Variants in GYPE observed in about 807,000 individuals in gnomAD.
GYPE encodes the protein glycophorin-E.
GYPE carries 8 observed loss-of-function variants against 11.6 expected under a neutral mutation model. The observed-to-expected ratio is 0.69, with a 90% CI of 0.41 to 1.25. The LOEUF (loss-of-function observed/expected upper bound fraction) is 1.25. GYPE is among the 50% of genes most tolerant of loss of function. The pLI, the probability that GYPE is intolerant of heterozygous loss-of-function variation, is 0.01. For synonymous variants in GYPE, 28 were observed against 29.6 expected, an observed-to-expected ratio of 0.94 and a Z score of 0.18; for missense variants, 90 against 92.8, an observed-to-expected ratio of 0.97 and a Z score of 0.12.
At chr4:143,872,920 G>A (rs62337346) in intron 3 of GYPE, among the ~76,000 whole-genome samples, 24 of 152,216 alleles carry the variant, frequency 1.6e-4, no homozygotes, top group South Asian at 6.2e-4. Context: ...CATGTGGACA[G>A]GTCAGAACTT....
chr4:143,878,693 T>G (rs1743904410), intron 2 of GYPE: 1 of 491,972 alleles, frequency 2.0e-6, no homozygotes, highest in Non-Finnish European at 4.2e-6. Context: ...AAGCGAAATT[T>G]CAATGTAAGT....
At chr4:143,903,709 C>T (rs972353713) in intron 1 of GYPE, among the ~76,000 whole-genome samples, 1 of 151,894 alleles carries the variant, frequency 6.6e-6, no homozygotes, top group African/African-American at 2.4e-5. Context: ...GTACTGGAGA[C>T]CATTGTAGCT....
intron 1 of GYPE, among the ~76,000 whole-genome samples, chr4:143,898,434 G>A (rs986897405): frequency 4.6e-5 from 7 of 152,070 alleles, no homozygotes; most frequent in African/African-American, 1.7e-4. Flanking sequence ...TTAATCTTAG[G>A]CAAAGTAGAA....
At chr4:143,896,033 A>C (rs868385774) in intron 1 of GYPE, among the ~76,000 whole-genome samples, 110 of 152,334 alleles carry the variant, frequency 7.2e-4, no homozygotes, top group Middle Eastern at 6.8e-3. Context: ...CTTAAACGTT[A>C]GACCTAAAAC....
intron 1 of GYPE, among the ~76,000 whole-genome samples, chr4:143,900,803 C>A (rs1406526083): frequency 6.6e-6 from 1 of 151,984 alleles, no homozygotes; most frequent in Non-Finnish European, 1.5e-5. Flanking sequence ...AGGTAGAAAA[C>A]AAATTAGTGG....
At chr4:143,876,091 A>C (rs970502192) in intron 3 of GYPE, among the ~76,000 whole-genome samples, 1 of 152,024 alleles carries the variant, frequency 6.6e-6, no homozygotes, top group South Asian at 2.1e-4. Context: ...AGAAAGGCAA[A>C]AGGTTTATTT....
At chr4:143,901,590 T>G (rs1744869716) in intron 1 of GYPE, among the ~76,000 whole-genome samples, 1 of 151,404 alleles carries the variant, frequency 6.6e-6, no homozygotes, top group African/African-American at 2.4e-5. Context: ...ATCTATGATG[T>G]AAAAATGTAG....
intron 1 of GYPE, among the ~76,000 whole-genome samples, chr4:143,891,659 A>G (rs1744412072): frequency 6.6e-6 from 1 of 152,138 alleles, no homozygotes; most frequent in South Asian, 2.1e-4. Context: ...TTAAAAAAGT[A>G]AAAATCATTT....
intron 2 of GYPE, among the ~76,000 whole-genome samples, chr4:143,878,901 G>T (rs1259125356): frequency 6.6e-6 from 1 of 152,128 alleles, no homozygotes; most frequent in African/African-American, 2.4e-5. Context: ...ATTCATGGAT[G>T]ACAAATAAGC....
chr4:143,891,802 A>G (rs1381968271), intron 1 of GYPE, among the ~76,000 whole-genome samples: 1 of 152,094 alleles, frequency 6.6e-6, no homozygotes, highest in Non-Finnish European at 1.5e-5. Flanking sequence ...TCTCTGAGAA[A>G]ATTCAAACCT....
At chr4:143,893,996 G>C (rs1396975906) in intron 1 of GYPE, among the ~76,000 whole-genome samples, 1 of 152,112 alleles carries the variant, frequency 6.6e-6, no homozygotes, top group Non-Finnish European at 1.5e-5. Flanking sequence ...TTTCTTGGAG[G>C]CTTTGTTCAT....
intron 1 of GYPE, among the ~76,000 whole-genome samples, chr4:143,896,976 G>T (rs1383447520): frequency 6.7e-6 from 1 of 150,174 alleles, no homozygotes; most frequent in Non-Finnish European, 1.5e-5. Context: ...ATGGACACAG[G>T]AAGGGGAACA....
chr4:143,889,808 C>T (rs1744336727), intron 1 of GYPE, among the ~76,000 whole-genome samples: 1 of 152,126 alleles, frequency 6.6e-6, no homozygotes, highest in African/African-American at 2.4e-5. Flanking sequence ...AAACAACTAG[C>T]TGAGACCCTA....
chr4:143,871,272 C>G lies in GYPE; in HGVS notation c.*990G>C, dbSNP rs9790667. The G allele has an allele frequency of 0.18, 26,613 of 152,008 alleles. 2,779 individuals are homozygous for G. Among genetic ancestry groups the G allele is most frequent in the Middle Eastern group, 0.29 (85 of 292 alleles). The allele number at this position is 152,008 out of a possible 1,614,324, so 9.4% of individuals were successfully genotyped here. A position where few individuals can be genotyped will look rare whatever the true frequency, so the allele number is the denominator to read the frequency against. ...GAGAGGGACCCATAGTCATTACCTT[C>G]AAGGAACCTAAATCCTGGTGTTTTT... On this transcript the variant is annotated 3_prime_UTR_variant, in exon 4 of 4. Coordinates refer to ENST00000358615, the MANE Select transcript of GYPE (RefSeq NM_198682.3).
chr4:143,880,375 C>T lies in GYPE; in HGVS notation c.136+36G>A, dbSNP rs374169163. The stretch of plus-strand genomic sequence containing the variant: ...TAGGGTTGCATCACAAAAACGATTT[C>T]GGAGCCACAATTTAAAAATAAAAAT... On this transcript the variant is annotated intron_variant, in intron 2 of 3. Transcript: ENST00000358615. The T allele has an allele frequency of 7.1e-5, 115 of 1,613,364 alleles. 2 individuals carry two copies. Among genetic ancestry groups the T allele is most frequent in the East Asian group, 4.5e-5 (2 of 44,860 alleles).
intron 3 of GYPE, chr4:143,873,451 C>T (rs1285671958): frequency 1.1e-5 from 5 of 455,712 alleles, no homozygotes; most frequent in Non-Finnish European, 1.8e-5. Context: ...TTTGTCAGAG[C>T]AAATTATGTT....
At chr4:143,898,138 A>G (rs1343365897) in intron 1 of GYPE, among the ~76,000 whole-genome samples, 3 of 152,200 alleles carry the variant, frequency 2.0e-5, no homozygotes, top group Non-Finnish European at 4.4e-5. Flanking sequence ...ACACTTTGGG[A>G]GGCCGAGGCA....
intron 2 of GYPE, chr4:143,878,690 A>T (rs1170047819): frequency 2.0e-6 from 1 of 492,430 alleles, no homozygotes; most frequent in African/African-American, 2.0e-5. Context: ...ATAAAGCGAA[A>T]TTTCAATGTA....
chr4:143,898,131 C>T (rs147179823), intron 1 of GYPE, among the ~76,000 whole-genome samples: 4 of 152,152 alleles, frequency 2.6e-5, no homozygotes, highest in Admixed American at 1.3e-4. Context: ...AATCCCAACA[C>T]TTTGGGAGGC....
Sources: gnomAD v4.1 joint callset for allele counts (sites outside exome capture counted in the v4.1 genomes callset) on GRCh38, gnomAD v4.1.1 for gene constraint, MANE v1.5 for transcripts, NCBI Gene and HGNC (gene_info 2026-07-23, HGNC 2026-07-21) for gene names.